Variants in MMAA observed in about 807,000 individuals in gnomAD.
MMAA encodes methylmalonic aciduria type A protein, mitochondrial.
In MMAA, 41 loss-of-function variants were observed where a neutral mutation model predicts 45.0. That is an observed-to-expected ratio of 0.91 (90% CI 0.71 to 1.18). The LOEUF (loss-of-function observed/expected upper bound fraction) is 1.18. MMAA is among the 50% of genes most tolerant of loss of function. The pLI, the probability that MMAA is intolerant of heterozygous loss-of-function variation, is 0.00. For synonymous variants in MMAA, 154 were observed against 178.2 expected (o/e 0.86, Z 1.08); for missense variants, 460 against 495.7 (o/e 0.93, Z 0.68).
At chr4:145,625,490 C>T (rs566525104) in intron 1 of MMAA, 1 of 724,210 alleles carries the variant, frequency 1.4e-6, no homozygotes, top group South Asian at 1.4e-5. Flanking sequence ...AGGGATATAG[C>T]CTCTTCTCCA....
chr4:145,650,749 C>T (rs1407186418), intron 4 of MMAA: 2 of 387,112 alleles, frequency 5.2e-6, no homozygotes, highest in Non-Finnish European at 9.5e-6. Flanking sequence ...ATTAGAGTCA[C>T]AGTGTTCAAG....
chr4:145,642,542 T>C, intron 3 of MMAA, 57 bp downstream of exon 3: 1 of 1,610,952 alleles, frequency 6.2e-7, no homozygotes. Context: ...CTGTTACAAT[T>C]TAGTAGGAAT....
At chr4:145,621,559 A>G (rs1309276913) in intron 1 of MMAA, among the ~76,000 whole-genome samples, 1 of 152,214 alleles carries the variant, frequency 6.6e-6, no homozygotes, top group Non-Finnish European at 1.5e-5. Flanking sequence ...TCCTGAAATT[A>G]TTTGAAAAAG....
chr4:145,651,820 A>T (rs1728098197), intron 5 of MMAA, among the ~76,000 whole-genome samples: 2 of 152,142 alleles, frequency 1.3e-5, no homozygotes, highest in African/African-American at 4.8e-5. Flanking sequence ...TCAGGATGAA[A>T]CTGTTCCACC....
intron 5 of MMAA, 121 bp from the exon 6 acceptor site, chr4:145,653,873 A>G: frequency 2.8e-6 from 3 of 1,056,106 alleles, no homozygotes; most frequent in African/African-American, 1.6e-5. Flanking sequence ...GATTCTTGGC[A>G]TCCAGGGCTT....
chr4:145,659,099 T>G lies in MMAA; in HGVS notation c.*3665T>G, dbSNP rs1161755423. ...AACAATGATGAACATGTCAAAACTT[T>G]CCTTTAAAAGGAACAATCAGAAAAA... On this transcript the variant is annotated 3_prime_UTR_variant, in exon 7 of 7. Coordinates refer to ENST00000649156, the MANE Select transcript of MMAA (RefSeq NM_172250.3). The G allele has an allele frequency of 6.6e-6, 1 of 152,224 alleles. No individual in the cohort carries two copies. The highest frequency in any genetic ancestry group is 1.5e-5 in the Non-Finnish European group (1 of 68,042). 9.4% of individuals were successfully genotyped at this position (152,224 alleles called of 1,614,324 possible).
At chr4:145,633,314 T>A (rs1437798344) in intron 1 of MMAA, among the ~76,000 whole-genome samples, 1 of 150,638 alleles carries the variant, frequency 6.6e-6, no homozygotes, top group Non-Finnish European at 1.5e-5. Flanking sequence ...TTCTTTTGTA[T>A]CAGCCTCCCA....
chr4:145,636,127 A>C (rs1253982303), intron 1 of MMAA, among the ~76,000 whole-genome samples: 2 of 152,240 alleles, frequency 1.3e-5, no homozygotes, highest in Admixed American at 6.5e-5. Context: ...TGTGCCAGGC[A>C]TTTGGGGAAT....
intron 1 of MMAA, among the ~76,000 whole-genome samples, chr4:145,631,225 T>C (rs1337233518): frequency 2.0e-5 from 3 of 152,262 alleles, no homozygotes; most frequent in Admixed American, 6.5e-5. Flanking sequence ...CTGGAAGATA[T>C]GTCCAATACT....
chr4:145,651,262 C>A, intron 5 of MMAA, 115 bp downstream of exon 5: 1 of 905,236 alleles, frequency 1.1e-6, no homozygotes, highest in Non-Finnish European at 1.7e-6. Flanking sequence ...AATGAAATAT[C>A]ATTCATGTTG....
chr4:145,620,915 G>T (rs796764474), intron 1 of MMAA, among the ~76,000 whole-genome samples: 7 of 152,290 alleles, frequency 4.6e-5, no homozygotes, highest in African/African-American at 1.4e-4. Context: ...AGCGCAAGAG[G>T]TGCTGCTGGC....
At position 145,639,293 on chromosome 4, in the gene MMAA, A is replaced by G; in HGVS notation, c.154A>G (p.Thr52Ala). Residue 52 changes from threonine (T) to alanine (A), a missense_variant, in exon 2 of 7, where the codon ACA (threonine) becomes GCA (alanine). By Grantham distance (58) the Thr-to-Ala change is moderately conservative. Transcript: ENST00000649156. ...GTTTAATTCTCTTGGACTCCATTGT[A>G]CAAAGTGGATGCTGCTGTCAGATGG... ...QPFNSLGLHC[T>A]KWMLLSDGLK... 1.2e-6 allele frequency: 2 copies of G among 1,614,214 alleles called. No individual in the cohort carries two copies. The highest frequency in any genetic ancestry group is 8.5e-7 in the Non-Finnish European group (1 of 1,180,046).
chr4:145,635,072 G>A (rs11731721), intron 1 of MMAA, among the ~76,000 whole-genome samples: 9,718 of 152,058 alleles, frequency 0.064, 456 homozygotes, highest in Non-Finnish European at 0.1. Flanking sequence ...TGTCTCACTG[G>A]GTTGTGTTCC....
chr4:145,630,332 G>A (rs1371168241), intron 1 of MMAA, among the ~76,000 whole-genome samples: 1 of 152,188 alleles, frequency 6.6e-6, no homozygotes, highest in African/African-American at 2.4e-5. Flanking sequence ...GATTTCTGCA[G>A]TGCCAGTTGT....
At chr4:145,645,194 G>A (rs1727893096) in intron 3 of MMAA, among the ~76,000 whole-genome samples, 1 of 152,134 alleles carries the variant, frequency 6.6e-6, no homozygotes, top group South Asian at 2.1e-4. Context: ...AATGAGGAGT[G>A]GAGGGTGCTC....
intron 2 of MMAA, among the ~76,000 whole-genome samples, chr4:145,640,503 T>C (rs1400001774): frequency 6.6e-6 from 1 of 152,040 alleles, no homozygotes; most frequent in Non-Finnish European, 1.5e-5. Flanking sequence ...GCCTCCAACA[T>C]CATCCTTGGC....
chr4:145,627,479 A>G (rs1257894268), intron 1 of MMAA, among the ~76,000 whole-genome samples: 3 of 152,156 alleles, frequency 2.0e-5, no homozygotes, highest in Non-Finnish European at 4.4e-5. Flanking sequence ...AAAAAATTGG[A>G]AGGTTACTGT....
intron 6 of MMAA, among the ~76,000 whole-genome samples, chr4:145,654,583 T>C (rs752312700): frequency 3.9e-5 from 6 of 152,250 alleles, no homozygotes; most frequent in Non-Finnish European, 8.8e-5. Flanking sequence ...ACAGACACTA[T>C]GTTATTAAAG....
chr4:145,621,047 G>A (rs1341682141), intron 1 of MMAA, among the ~76,000 whole-genome samples: 2 of 152,196 alleles, frequency 1.3e-5, no homozygotes, highest in East Asian at 1.9e-4. Context: ...AAGTCTGAAA[G>A]GAGGACTGAG....
Sources: allele counts gnomAD v4.1 joint callset (sites outside exome capture counted in the v4.1 genomes callset), GRCh38; gene constraint gnomAD v4.1.1; transcripts MANE v1.5; gene names NCBI Gene and HGNC (gene_info 2026-07-23, HGNC 2026-07-21).